STT3B: variants seen among roughly 807,000 people sequenced by gnomAD.
The protein encoded by STT3B is STT3 oligosaccharyltransferase complex catalytic subunit B, also known as dolichyl-diphosphooligosaccharide--protein glycosyltransferase subunit STT3B.
In STT3B, 29 loss-of-function variants were observed where a neutral mutation model predicts 96.8. That is an observed-to-expected ratio of 0.30 (90% CI 0.22 to 0.41). The LOEUF is 0.41. Among genes scored for constraint, STT3B ranks in the 10% least tolerant of loss-of-function variants. The pLI is 1.00. For missense variants in STT3B, 640 were observed against 1,022.3 expected (o/e 0.63, Z 5.10); for synonymous variants, 367 against 360.0 (o/e 1.02, Z -0.22).
At chr3:31,589,009 C>T (rs1036848438) in intron 3 of STT3B, among the ~76,000 whole-genome samples, 1 of 152,048 alleles carries the variant, frequency 6.6e-6, no homozygotes, top group African/African-American at 2.4e-5. Context: ...TTGATGTCCA[C>T]AAAGTCACTT....
chr3:31,538,053 C>T (rs780627882), intron 1 of STT3B, among the ~76,000 whole-genome samples: 2 of 152,054 alleles, frequency 1.3e-5, no homozygotes, highest in Admixed American at 1.3e-4. Flanking sequence ...ATTCAACAGA[C>T]CTATTGCTAA....
At chr3:31,596,963 T>G in intron 4 of STT3B, 100 bp downstream of exon 4, 2 of 922,736 alleles carry the variant, frequency 2.2e-6, no homozygotes, top group South Asian at 3.1e-5. Context: ...TTTTGTTTAA[T>G]GTAATCTTTC....
chr3:31,586,424 TC>T (rs1698537119), intron 3 of STT3B, among the ~76,000 whole-genome samples: 1 of 152,134 alleles, frequency 6.6e-6, no homozygotes, highest in African/African-American at 2.4e-5. Flanking sequence ...AGCTTTTTTT[TC>T]AATAGATCTT....
intron 1 of STT3B, among the ~76,000 whole-genome samples, chr3:31,574,171 A>G (rs1357167304): frequency 6.6e-6 from 1 of 152,140 alleles, no homozygotes; most frequent in African/African-American, 2.4e-5. Context: ...GGCCTCTTCC[A>G]TTAAAATATT....
At chr3:31,549,507 C>G (rs1269647937) in intron 1 of STT3B, among the ~76,000 whole-genome samples, 2 of 151,156 alleles carry the variant, frequency 1.3e-5, no homozygotes, top group African/African-American at 4.9e-5. Context: ...GTTGTCCAAC[C>G]ACTTTGGCTC....
intron 1 of STT3B, among the ~76,000 whole-genome samples, chr3:31,551,522 C>A (rs1486613640): frequency 6.6e-6 from 1 of 152,080 alleles, no homozygotes; most frequent in Non-Finnish European, 1.5e-5. Flanking sequence ...TGGCCTCTTT[C>A]CTGATTCTTT....
At chr3:31,569,909 T>C (rs1370309538) in intron 1 of STT3B, among the ~76,000 whole-genome samples, 1 of 152,002 alleles carries the variant, frequency 6.6e-6, no homozygotes, top group African/African-American at 2.4e-5. Flanking sequence ...ATATAAATTT[T>C]ATAAGTACAT....
At chr3:31,547,165 C>T (rs1697432725) in intron 1 of STT3B, among the ~76,000 whole-genome samples, 1 of 152,114 alleles carries the variant, frequency 6.6e-6, no homozygotes, top group Non-Finnish European at 1.5e-5. Context: ...GCAGTAAGTT[C>T]AGCCCCAAGT....
At chr3:31,631,265 T>A (rs1171390158) in intron 14 of STT3B, among the ~76,000 whole-genome samples, 3 of 152,258 alleles carry the variant, frequency 2.0e-5, no homozygotes, top group Non-Finnish European at 4.4e-5. Flanking sequence ...TGTAGATGAC[T>A]TAAAAAACAG....
intron 3 of STT3B, among the ~76,000 whole-genome samples, chr3:31,587,684 C>T (rs1386690888): frequency 6.6e-6 from 1 of 151,978 alleles, no homozygotes; most frequent in African/African-American, 2.4e-5. Flanking sequence ...CATTTGGGTT[C>T]TAATTTCTGT....
chr3:31,605,924 A>G (rs1384863416), intron 5 of STT3B, among the ~76,000 whole-genome samples: 1 of 152,206 alleles, frequency 6.6e-6, no homozygotes, highest in African/African-American at 2.4e-5. Context: ...AATGATATGG[A>G]CAATGAAATC....
chr3:31,555,580 T>C (rs999906252), intron 1 of STT3B, among the ~76,000 whole-genome samples: 8 of 152,144 alleles, frequency 5.3e-5, no homozygotes, highest in Non-Finnish European at 1.0e-4. Flanking sequence ...ATTTGAATCA[T>C]AGGCCCTTAT....
intron 5 of STT3B, among the ~76,000 whole-genome samples, chr3:31,603,279 C>T (rs1309495741): frequency 1.3e-5 from 2 of 151,936 alleles, no homozygotes; most frequent in East Asian, 3.9e-4. Context: ...TGTAGCACAA[C>T]CACAGAAAAC....
intron 12 of STT3B, among the ~76,000 whole-genome samples, 183 bp from the exon 13 acceptor site, chr3:31,625,771 A>G (rs1234113710): frequency 6.6e-6 from 1 of 152,244 alleles, no homozygotes; most frequent in Non-Finnish European, 1.5e-5. Context: ...TAAATTAGTT[A>G]TAGTAGTTGA....
rs550071088 is a variant in STT3B at position 31,631,443 on chromosome 3, C to T, written c.2188-1492C>T. Among the ~76,000 whole-genome samples, 3 of 152,316 alleles carry T rather than the reference C, an allele frequency of 2.0e-5. No homozygotes were observed. In the South Asian group the frequency reaches 6.2e-4, roughly 32 times the overall value. ...TGTTTCTGATTAGTTTCTCTGCTCACTACTGATCACGTTGAAGGACCTTTT... is the reference window on the plus strand; with the variant it reads ...TGTTTCTGATTAGTTTCTCTGCTCATTACTGATCACGTTGAAGGACCTTTT... On this transcript the variant is annotated intron_variant, in intron 14 of 15. Transcript: ENST00000295770.
intron 2 of STT3B, among the ~76,000 whole-genome samples, chr3:31,579,074 G>A (rs1231970244): frequency 6.6e-6 from 1 of 152,068 alleles, no homozygotes; most frequent in Non-Finnish European, 1.5e-5. Context: ...CCTGTTCACT[G>A]TTCTTGAATC....
In STT3B at chr3:31,615,125, G is replaced by A. The variant is rs777753460; in HGVS notation, c.898G>A (p.Val300Met). The A allele has an allele frequency of 6.2e-7, 1 of 1,609,174 alleles. No homozygotes were observed. Among genetic ancestry groups the A allele is most frequent in the Non-Finnish European group, 8.5e-7 (1 of 1,176,814 alleles). ...VYIAYSTFYI[V>M]GLILSMQIPF... ...TATAGCATATAGCACTTTCTACATT[G>A]TGGGTTTAATATTATCAATGCAGAT... Residue 300 changes from valine to methionine, a missense_variant, in exon 6 of 16, where the codon GTG becomes ATG. Val to Met is a conservative substitution (Grantham distance 21). Coordinates refer to ENST00000295770, the MANE Select transcript of STT3B (RefSeq NM_178862.3).
chr3:31,575,373 C>T (rs1025450920), intron 1 of STT3B, among the ~76,000 whole-genome samples: 2 of 151,784 alleles, frequency 1.3e-5, no homozygotes, highest in African/African-American at 2.4e-5. Context: ...TGAATATATT[C>T]TCGCTTCTGT....
chr3:31,552,958 C>CG, intron 1 of STT3B, among the ~76,000 whole-genome samples: 1 of 151,772 alleles, frequency 6.6e-6, no homozygotes, highest in Non-Finnish European at 1.5e-5. Context: ...AAAAATTAGC[C>CG]GGGCATGGTG....
Sources: gnomAD v4.1 joint callset for allele counts (sites outside exome capture counted in the v4.1 genomes callset) on GRCh38, gnomAD v4.1.1 for gene constraint, MANE v1.5 for transcripts, NCBI Gene and HGNC (gene_info 2026-07-23, HGNC 2026-07-21) for gene names.